LIN28B: variants seen among roughly 807,000 people sequenced by gnomAD.
The protein encoded by LIN28B is protein lin-28 homolog B.
Under a neutral mutation model 21.9 loss-of-function variants are expected in LIN28B, and 5 were observed. The observed-to-expected ratio is 0.23, with a 90% CI of 0.12 to 0.48. The LOEUF is 0.48. LIN28B is among the 20% of genes least tolerant of loss of function. The pLI is 0.98. For missense variants in LIN28B, 245 were observed against 310.5 expected (o/e 0.79, Z 1.58); for synonymous variants, 109 against 111.3 (o/e 0.98, Z 0.13).
At chr6:105,021,125 T>C (rs990666019) in intron 2 of LIN28B, among the ~76,000 whole-genome samples, 3 of 152,124 alleles carry the variant, frequency 2.0e-5, no homozygotes, top group African/African-American at 7.2e-5. Context: ...ACATGTGATA[T>C]TTGACTTTCT....
intron 3 of LIN28B, among the ~76,000 whole-genome samples, chr6:105,042,857 T>C (rs1771664111): frequency 6.6e-6 from 1 of 152,118 alleles, no homozygotes. Flanking sequence ...TTAACATGAG[T>C]ACAGAGGTGG....
chr6:104,938,888 T>C (rs1034656262), intron 2 of LIN28B, among the ~76,000 whole-genome samples: 1 of 152,006 alleles, frequency 6.6e-6, no homozygotes, highest in Non-Finnish European at 1.5e-5. Flanking sequence ...TAGTTTGAAA[T>C]CAAAAAAAAG....
At chr6:105,074,425 C>G (rs997088582) in intron 3 of LIN28B, among the ~76,000 whole-genome samples, 1 of 152,168 alleles carries the variant, frequency 6.6e-6, no homozygotes, top group Non-Finnish European at 1.5e-5. Context: ...GTCTCGATCT[C>G]CTGACCTCGT....
At chr6:104,958,959 T>A (rs1400163787) in intron 2 of LIN28B, among the ~76,000 whole-genome samples, 1 of 152,126 alleles carries the variant, frequency 6.6e-6, no homozygotes, top group Non-Finnish European at 1.5e-5. Context: ...CAAAAAAACA[T>A]GTGGCCAGAG....
chr6:104,994,942 A>C (rs1332890438), intron 2 of LIN28B, among the ~76,000 whole-genome samples: 1 of 152,228 alleles, frequency 6.6e-6, no homozygotes, highest in Non-Finnish European at 1.5e-5. Flanking sequence ...AGTTATCCCT[A>C]ACTGGAAAAT....
intron 2 of LIN28B, among the ~76,000 whole-genome samples, chr6:105,024,551 T>C (rs1489851744): frequency 2.0e-5 from 3 of 152,140 alleles, no homozygotes; most frequent in Admixed American, 6.5e-5. Flanking sequence ...TTAATAATAA[T>C]ACTTTATTAT....
At chr6:104,986,154 C>T (rs1194937241) in intron 2 of LIN28B, among the ~76,000 whole-genome samples, 4 of 152,124 alleles carry the variant, frequency 2.6e-5, no homozygotes, top group Admixed American at 2.0e-4. Flanking sequence ...CTCTCTTCCT[C>T]GTGCTCTAGC....
intron 3 of LIN28B, among the ~76,000 whole-genome samples, chr6:105,028,414 C>T (rs995374606): frequency 3.9e-5 from 6 of 152,134 alleles, no homozygotes; most frequent in Non-Finnish European, 4.4e-5. Context: ...GCTGAAAGAC[C>T]ACTAAAGAAG....
chr6:105,049,407 G>C (rs1186628755), intron 3 of LIN28B, among the ~76,000 whole-genome samples: 7 of 152,322 alleles, frequency 4.6e-5, no homozygotes, highest in Admixed American at 1.3e-4. Context: ...TTGCTGAGGA[G>C]TGCTTTACTT....
At chr6:105,002,653 C>T (rs1376673619) in intron 2 of LIN28B, among the ~76,000 whole-genome samples, 1 of 152,174 alleles carries the variant, frequency 6.6e-6, no homozygotes, top group Non-Finnish European at 1.5e-5. Context: ...GTTTGTTGGT[C>T]AGGACTCCTT....
upstream of LIN28B, among the ~76,000 whole-genome samples, chr6:104,952,546 A>G (rs1423138782): frequency 6.6e-6 from 1 of 152,214 alleles, no homozygotes; most frequent in African/African-American, 2.4e-5. Flanking sequence ...TAATTTTTAA[A>G]AAAAGTTAAA....
intron 3 of LIN28B, among the ~76,000 whole-genome samples, chr6:105,067,506 G>C (rs940988530): frequency 2.6e-5 from 4 of 152,092 alleles, no homozygotes; most frequent in Admixed American, 6.5e-5. Flanking sequence ...ATAACAAACT[G>C]CTTTTACTCC....
chr6:104,959,104 T>C (rs1769656769), intron 2 of LIN28B, among the ~76,000 whole-genome samples: 1 of 152,154 alleles, frequency 6.6e-6, no homozygotes, highest in Non-Finnish European at 1.5e-5. Flanking sequence ...ATTTTCAAAA[T>C]TTTACCCAGG....
intron 2 of LIN28B, among the ~76,000 whole-genome samples, chr6:104,962,948 C>A: frequency 6.6e-6 from 1 of 152,076 alleles, no homozygotes; most frequent in East Asian, 1.9e-4. Context: ...TATAACCTAC[C>A]AGATTTTTAA....
intron 3 of LIN28B, among the ~76,000 whole-genome samples, chr6:105,056,131 G>T (rs1702568028): frequency 6.6e-6 from 1 of 151,800 alleles, no homozygotes; most frequent in Non-Finnish European, 1.5e-5. Flanking sequence ...CTTTTAAGTT[G>T]TTGAACATAT....
At chr6:105,030,062 GAC>G (rs1486389453) in intron 3 of LIN28B, among the ~76,000 whole-genome samples, 1 of 152,116 alleles carries the variant, frequency 6.6e-6, no homozygotes, top group Non-Finnish European at 1.5e-5. Flanking sequence ...TTAAAGCTTT[GAC>G]ACACTTAATA....
intron 3 of LIN28B, among the ~76,000 whole-genome samples, chr6:105,039,794 T>C (rs1771596340): frequency 6.6e-6 from 1 of 152,178 alleles, no homozygotes; most frequent in Non-Finnish European, 1.5e-5. Context: ...GAATTTTTTT[T>C]CTTCAGTTTT....
At chr6:104,941,532 G>A (rs1179061269) in intron 2 of LIN28B, 1 of 150,414 alleles carries the variant, frequency 6.6e-6, no homozygotes, top group African/African-American at 2.4e-5. Context: ...CCGGCGGCGG[G>A]TCCTCGCGGC....
chr6:104,983,523 T>C (rs1448374861), intron 2 of LIN28B, among the ~76,000 whole-genome samples: 1 of 152,248 alleles, frequency 6.6e-6, no homozygotes, highest in African/African-American at 2.4e-5. Context: ...TCAGTTTTAC[T>C]GTCAAATCTT....
Sources: gnomAD v4.1 joint callset for allele counts (sites outside exome capture counted in the v4.1 genomes callset) on GRCh38, gnomAD v4.1.1 for gene constraint, MANE v1.5 for transcripts, NCBI Gene and HGNC (gene_info 2026-07-23, HGNC 2026-07-21) for gene names.